TLN2: variants seen among roughly 807,000 people sequenced by gnomAD.
TLN2 encodes talin-2.
In TLN2, 118 loss-of-function variants were observed where a neutral mutation model predicts 294.7. The ratio of observed to expected loss-of-function variants is 0.40; its 90% CI spans 0.34 to 0.47. TLN2 has a LOEUF of 0.47. Ranked by LOEUF, TLN2 falls within the 20% of genes least tolerant of loss-of-function variation. The probability of loss-of-function intolerance (pLI) is 0.84; values close to 1 mark genes in which losing one functional copy is unlikely to be tolerated. For missense variants in TLN2, 3,083 were observed against 3,282.2 expected (o/e 0.94, Z 1.48); for synonymous variants, 1,431 against 1,304.5 (o/e 1.10, Z -2.09).
At chr15:62,805,100 G>C (rs2066183959) in intron 50 of TLN2, among the ~76,000 whole-genome samples, 1 of 152,172 alleles carries the variant, frequency 6.6e-6, no homozygotes, top group Non-Finnish European at 1.5e-5. Context: ...TTATAAGACA[G>C]GCTAAGAATA....
At position 62,595,412 on chromosome 15, in the gene TLN2, C is replaced by CAAAA. The variant is rs35989710; in HGVS notation, c.-162+5666_-162+5669dup. Among the ~76,000 whole-genome samples, 345 of 82,058 alleles carry CAAAA rather than the reference C, an allele frequency of 4.2e-3. 6 individuals are homozygous for CAAAA. The highest frequency in any genetic ancestry group is 6.4e-3 in the Non-Finnish European group (262 of 41,140). 53.8% of individuals were successfully genotyped at this position (82,058 alleles called of 152,430 possible). On this transcript the variant is annotated intron_variant, in intron 2 of 58. Transcript: ENST00000636159. The stretch of plus-strand genomic sequence containing the variant: ...TCCAGCCTGGGTGCAGACTCCGTCT[C>CAAAA]AAAAAAAAAAAAAAAAAAAGGATGA...
intron 54 of TLN2, among the ~76,000 whole-genome samples, chr15:62,822,955 A>G (rs2067705976): frequency 6.6e-6 from 1 of 152,244 alleles, no homozygotes; most frequent in Admixed American, 6.5e-5. Context: ...ACAGCACCTT[A>G]AAAATTAATG....
At chr15:62,595,291 G>A (rs2046394835) in intron 2 of TLN2, among the ~76,000 whole-genome samples, 1 of 151,828 alleles carries the variant, frequency 6.6e-6, no homozygotes, top group South Asian at 2.1e-4. Context: ...GTGGTGGTGG[G>A]CGCCTGTAAT....
chr15:62,805,521 A>G (rs1276905272), intron 50 of TLN2, 79 bp from the exon 51 acceptor site: 10 of 1,395,654 alleles, frequency 7.2e-6, no homozygotes, highest in African/African-American at 1.4e-5. Context: ...GACACAAGCT[A>G]CAGCCTGGTT....
intron 51 of TLN2, 144 bp downstream of exon 51, chr15:62,805,929 C>A: frequency 2.3e-6 from 2 of 880,130 alleles, no homozygotes; most frequent in Non-Finnish European, 3.3e-6. Context: ...GTGGCTTATG[C>A]CTGAAATCCC....
Position 62,762,395 on chromosome 15 carries a change from C to G in TLN2, c.4903C>G (p.Leu1635Val). 6.2e-7 allele frequency: 1 copy of G among 1,614,208 alleles called. No individual in the cohort carries two copies. ...NPKDPPTWSV[L>V]AGHSHTVSDS... Reference sequence around the variant, plus strand: ...CAAAGACCCACCCACCTGGTCTGTACTGGCTGGACATTCCCATACAGTGTC... The same window carrying G: ...CAAAGACCCACCCACCTGGTCTGTAGTGGCTGGACATTCCCATACAGTGTC... The change falls in exon 39 of 59, where the codon CTG becomes GTG. Residue 1635 changes from leucine to valine, a missense_variant. Physicochemically the swap from Leu to Val is conservative, Grantham distance 32. Coordinates refer to ENST00000636159, the MANE Select transcript of TLN2 (RefSeq NM_015059.3).
chr15:62,806,053 G>A (rs1309791477), intron 51 of TLN2, among the ~76,000 whole-genome samples: 1 of 152,104 alleles, frequency 6.6e-6, no homozygotes, highest in East Asian at 1.9e-4. Flanking sequence ...GTAACCAAGT[G>A]TGGTGGTGTG....
intron 1 of TLN2, among the ~76,000 whole-genome samples, chr15:62,528,038 TGA>T (rs1471688812): frequency 6.6e-6 from 1 of 152,194 alleles, no homozygotes; most frequent in African/African-American, 2.4e-5. Context: ...AACATTTTAG[TGA>T]GTTTTCTTAG....
intron 19 of TLN2, among the ~76,000 whole-genome samples, chr15:62,704,307 T>C (rs1021970167): frequency 3.3e-5 from 5 of 152,232 alleles, no homozygotes; most frequent in African/African-American, 4.8e-5. Flanking sequence ...CATTTTTGAC[T>C]TCATCTGTTT....
intron 1 of TLN2, among the ~76,000 whole-genome samples, chr15:62,487,224 T>C (rs1431378638): frequency 2.0e-5 from 3 of 152,200 alleles, no homozygotes; most frequent in Non-Finnish European, 2.9e-5. Context: ...CTTACTGGGT[T>C]GATTCCGTGT....
chr15:62,394,425 A>G (rs1349149930), intron 1 of TLN2, among the ~76,000 whole-genome samples: 2 of 152,212 alleles, frequency 1.3e-5, no homozygotes, highest in Non-Finnish European at 2.9e-5. Flanking sequence ...CAAGAAGGAA[A>G]ACATAATAAG....
intron 8 of TLN2, among the ~76,000 whole-genome samples, chr15:62,657,379 T>G (rs2053346365): frequency 6.6e-6 from 1 of 152,292 alleles, no homozygotes; most frequent in African/African-American, 2.4e-5. Flanking sequence ...CCTCTAGATA[T>G]TTGATTAGCT....
intron 41 of TLN2, among the ~76,000 whole-genome samples, chr15:62,767,223 C>T (rs1319831916): frequency 6.6e-6 from 1 of 152,172 alleles, no homozygotes; most frequent in East Asian, 1.9e-4. Flanking sequence ...TAAGGGCCTA[C>T]TCACCTTCCC....
intron 1 of TLN2, among the ~76,000 whole-genome samples, chr15:62,528,567 G>C (rs1284607131): frequency 6.6e-6 from 1 of 152,158 alleles, no homozygotes; most frequent in Non-Finnish European, 1.5e-5. Flanking sequence ...AGAGACAGAA[G>C]GTGCCAGGAG....
intron 3 of TLN2, among the ~76,000 whole-genome samples, chr15:62,634,919 C>T (rs2050239220): frequency 6.6e-6 from 1 of 152,214 alleles, no homozygotes; most frequent in Admixed American, 6.5e-5. Flanking sequence ...TTGTATTAAA[C>T]ATTTATCTTT....
At chr15:62,748,519 C>G (rs1261244017) in intron 33 of TLN2, 75 bp downstream of exon 33, 2 of 1,200,692 alleles carry the variant, frequency 1.7e-6, no homozygotes, top group African/African-American at 3.0e-5. Flanking sequence ...GTCTGTCTGT[C>G]TATGTCTGTG....
At chr15:62,737,435 C>A (rs956147983) in intron 29 of TLN2, among the ~76,000 whole-genome samples, 1 of 152,104 alleles carries the variant, frequency 6.6e-6, no homozygotes, top group African/African-American at 2.4e-5. Flanking sequence ...GAGGTAGATC[C>A]GCTAGGGCTG....
intron 1 of TLN2, among the ~76,000 whole-genome samples, chr15:62,458,629 T>C (rs1027519443): frequency 7.6e-6 from 1 of 131,222 alleles, no homozygotes; most frequent in Non-Finnish European, 1.6e-5. Context: ...TTTAGCTGGG[T>C]GTCATGGTGC....
rs1046796947 is a variant in TLN2 at position 62,836,255 on chromosome 15, C to G, written c.7374+182C>G. The G allele has an allele frequency of 1.3e-5, 11 of 879,486 alleles. No homozygotes were observed. In the African/African-American group the frequency reaches 1.7e-4, roughly 13 times the overall value. The allele number at this position is 879,486 out of a possible 1,614,324, so 54.5% of individuals were successfully genotyped here. A position where few individuals can be genotyped will look rare whatever the true frequency, so the allele number is the denominator to read the frequency against. On this transcript the variant is annotated intron_variant, in intron 57 of 58. Transcript: ENST00000636159. ...CCTCCACTGCTGCCCCACCACGCTG[C>G]CATTCTCCTCGTGTGCCTTCTGGTC... is the stretch of plus-strand genomic sequence containing the variant.
Sources: allele counts gnomAD v4.1 joint callset (sites outside exome capture counted in the v4.1 genomes callset), GRCh38; gene constraint gnomAD v4.1.1; transcripts MANE v1.5; gene names NCBI Gene and HGNC (gene_info 2026-07-23, HGNC 2026-07-21).